The following ERCC6L2 variants were observed in gnomAD, a reference collection of about 807,000 sequenced individuals.
ERCC6L2 encodes the protein DNA excision repair protein ERCC-6-like 2.
A neutral mutation model predicts 132.0 loss-of-function variants in ERCC6L2; 77 were observed. The ratio of observed to expected loss-of-function variants is 0.58; its 90% CI spans 0.49 to 0.71. The LOEUF (loss-of-function observed/expected upper bound fraction) is 0.71, where lower values mean the gene tolerates loss of function less well. Ranked by LOEUF, ERCC6L2 falls within the 30% of genes least tolerant of loss-of-function variation. ERCC6L2 has a pLI of 0.00. For synonymous variants in ERCC6L2, 583 were observed against 632.4 expected, an observed-to-expected ratio of 0.92 and a Z score of 1.17; for missense variants, 1,542 against 1,837.6, an observed-to-expected ratio of 0.84 and a Z score of 2.94.
chr9:95,898,766 A>G (rs1437012311), intron 3 of ERCC6L2, among the ~76,000 whole-genome samples: 2 of 152,196 alleles, frequency 1.3e-5, no homozygotes, highest in Non-Finnish European at 2.9e-5. Context: ...ACTCTTTTAT[A>G]CAAGTCTTAT....
At chr9:95,878,720 T>C (rs1827427809) in intron 1 of ERCC6L2, among the ~76,000 whole-genome samples, 1 of 147,564 alleles carries the variant, frequency 6.8e-6, no homozygotes, top group Admixed American at 6.8e-5. Flanking sequence ...TGTGTTCTCA[T>C]TGTTCAATTC....
chr9:95,986,657 T>C (rs1833108119), intron 17 of ERCC6L2, among the ~76,000 whole-genome samples: 1 of 151,958 alleles, frequency 6.6e-6, no homozygotes. Flanking sequence ...TCACCACAGC[T>C]GGCTAATTTT....
chr9:95,934,149 A>G (rs1315514697), intron 11 of ERCC6L2, among the ~76,000 whole-genome samples: 1 of 152,182 alleles, frequency 6.6e-6, no homozygotes, highest in African/African-American at 2.4e-5. Flanking sequence ...CAGTTGAGGA[A>G]GAGAAAGAAA....
intron 17 of ERCC6L2, among the ~76,000 whole-genome samples, chr9:95,992,324 A>G (rs939211177): frequency 3.9e-5 from 6 of 152,330 alleles, no homozygotes; most frequent in Admixed American, 2.6e-4. Flanking sequence ...GAGATTCTCA[A>G]TAATTTTTGA....
chr9:95,879,349 G>T (rs534551123), intron 1 of ERCC6L2, among the ~76,000 whole-genome samples: 1 of 152,292 alleles, frequency 6.6e-6, no homozygotes, highest in Admixed American at 6.5e-5. Context: ...AATATTTGGT[G>T]AATAATTTGT....
chr9:95,950,307 C>T (rs1026409498), intron 12 of ERCC6L2, among the ~76,000 whole-genome samples: 13 of 151,908 alleles, frequency 8.6e-5, no homozygotes, highest in African/African-American at 2.7e-4. Flanking sequence ...ATATGTAATC[C>T]CTGTGGTAAC....
chr9:95,882,175 G>A (rs1564190777), intron 2 of ERCC6L2, among the ~76,000 whole-genome samples: 1 of 152,214 alleles, frequency 6.6e-6, no homozygotes, highest in Admixed American at 6.5e-5. Flanking sequence ...GAGCAAGTAG[G>A]AGGGCAAGAG....
At chr9:96,011,721 A>G (rs1834031430) in intron 18 of ERCC6L2, among the ~76,000 whole-genome samples, 1 of 152,248 alleles carries the variant, frequency 6.6e-6, no homozygotes, top group African/African-American at 2.4e-5. Context: ...CTCATCAAAA[A>G]GTCTTGTGCG....
At position 95,966,460 on chromosome 9, in the gene ERCC6L2, C is replaced by T. The variant is rs991222993; in HGVS notation, c.1948-102C>T. On this transcript the variant is annotated intron_variant, in intron 13 of 18. Transcript: ENST00000653738. ...AAATTTCCTCCCTAAGGAGATTCTG[C>T]CTGCTCCAGCTAAAGCTGTGTATAT... 15 of 1,101,660 alleles carry T rather than the reference C, an allele frequency of 1.4e-5. No homozygotes were observed. The African/African-American group carries it at 2.4e-4, about 18-fold the overall frequency. 68.2% of individuals were successfully genotyped at this position (1,101,660 alleles called of 1,614,324 possible).
chr9:96,001,929 G>T (rs1027928137), intron 17 of ERCC6L2, among the ~76,000 whole-genome samples: 7 of 152,244 alleles, frequency 4.6e-5, no homozygotes, highest in Admixed American at 4.6e-4. Context: ...ACTGCTGGGG[G>T]ACTCAGTACA....
chr9:96,002,436 T>TC lies in ERCC6L2; in HGVS notation c.3493-2082dup, dbSNP rs398011551. On this transcript the variant is annotated intron_variant, in intron 17 of 18. Coordinates refer to ENST00000653738, the MANE Select transcript of ERCC6L2 (RefSeq NM_020207.7). ...ATGTTAGTTTGGCTTTTTTTTTTTT[T>TC]CCTGAGACAAGATCTGGCCCTGTCA... Among the ~76,000 whole-genome samples, 32 of 151,534 alleles carry TC rather than the reference T, an allele frequency of 2.1e-4. No individual in the cohort carries two copies. The South Asian group carries it at 6.3e-3, about 30-fold the overall frequency.
In ERCC6L2 at chr9:95,895,992, C is replaced by T. The variant is rs1399933566; in HGVS notation, c.472-1857C>T. On this transcript the variant is annotated intron_variant, in intron 2 of 18. Transcript: ENST00000653738. Reference sequence around the variant, plus strand: ...CCACCCACCTTGGCCTCCCAAAGTGCTGGGATTACAGGCTGTCATAGCTTT... The same window carrying T: ...CCACCCACCTTGGCCTCCCAAAGTGTTGGGATTACAGGCTGTCATAGCTTT... Among the ~76,000 whole-genome samples the T allele has an allele frequency of 3.3e-5, 5 of 152,290 alleles. No individual in the cohort carries two copies. The East Asian group carries it at 7.7e-4, about 23-fold the overall frequency.
chr9:96,029,123 T>C (rs918912551), intron 19 of ERCC6L2, among the ~76,000 whole-genome samples: 4 of 151,676 alleles, frequency 2.6e-5, no homozygotes, highest in Middle Eastern at 3.2e-3. Flanking sequence ...GCTAACATGG[T>C]GAAACCCCGT....
chr9:95,994,832 TTG>T (rs1833419441), intron 17 of ERCC6L2, among the ~76,000 whole-genome samples: 1 of 152,236 alleles, frequency 6.6e-6, no homozygotes, highest in East Asian at 1.9e-4. Flanking sequence ...TGTAACTTTT[TTG>T]CCTCATTTGT....
intron 19 of ERCC6L2, among the ~76,000 whole-genome samples, chr9:96,037,150 T>C (rs1313420973): frequency 6.6e-6 from 1 of 152,222 alleles, no homozygotes; most frequent in Non-Finnish European, 1.5e-5. Context: ...ACTCTCACCT[T>C]CTACACTTAC....
At chr9:95,887,527 A>G (rs896770338) in intron 2 of ERCC6L2, among the ~76,000 whole-genome samples, 2 of 152,238 alleles carry the variant, frequency 1.3e-5, no homozygotes, top group Admixed American at 6.5e-5. Flanking sequence ...CTGCTATGCA[A>G]AGAAGATAAT....
At chr9:96,000,388 A>C (rs1833624081) in intron 17 of ERCC6L2, among the ~76,000 whole-genome samples, 1 of 152,218 alleles carries the variant, frequency 6.6e-6, no homozygotes, top group Non-Finnish European at 1.5e-5. Context: ...AAAATGAACC[A>C]GAATATAAGT....
chr9:95,975,899 C>T (rs573320695), intron 16 of ERCC6L2, among the ~76,000 whole-genome samples: 2 of 151,976 alleles, frequency 1.3e-5, no homozygotes, highest in Non-Finnish European at 2.9e-5. Flanking sequence ...CTAAGTCTTT[C>T]CTAAGTTCTT....
intron 19 of ERCC6L2, among the ~76,000 whole-genome samples, chr9:96,028,227 G>A (rs1449008728): frequency 6.6e-6 from 1 of 151,718 alleles, no homozygotes; most frequent in Non-Finnish European, 1.5e-5. Flanking sequence ...AGGCCAAAAC[G>A]TATTTTCCAC....
Sources: allele counts gnomAD v4.1 joint callset (sites outside exome capture counted in the v4.1 genomes callset), GRCh38; gene constraint gnomAD v4.1.1; transcripts MANE v1.5; gene names NCBI Gene and HGNC (gene_info 2026-07-23, HGNC 2026-07-21).